Variants in MOXD1 observed in about 807,000 individuals in gnomAD.
The protein encoded by MOXD1 is DBH-like monooxygenase protein 1.
MOXD1 carries 62 observed loss-of-function variants against 66.6 expected under a neutral mutation model. The ratio of observed to expected loss-of-function variants is 0.93; its 90% CI spans 0.76 to 1.15. The LOEUF is 1.15. Ranked by LOEUF, MOXD1 falls within the 50% of genes most tolerant of loss-of-function variation. The pLI is 0.00. For missense variants in MOXD1, 847 were observed against 754.6 expected (o/e 1.12, Z -1.44); for synonymous variants, 303 against 281.9 (o/e 1.07, Z -0.75).
At chr6:132,300,730 A>G (rs1217243856) in intron 10 of MOXD1, among the ~76,000 whole-genome samples, 1 of 152,210 alleles carries the variant, frequency 6.6e-6, no homozygotes, top group Non-Finnish European at 1.5e-5. Flanking sequence ...TTTAGAACAG[A>G]TATGTAGAAA....
At chr6:132,327,297 A>G (rs747926766) in intron 6 of MOXD1, among the ~76,000 whole-genome samples, 1 of 152,196 alleles carries the variant, frequency 6.6e-6, no homozygotes, top group Non-Finnish European at 1.5e-5. Context: ...TCTTTTTCAC[A>G]TTGGGCTATA....
At chr6:132,395,793 T>C (rs1352568572) in intron 1 of MOXD1, among the ~76,000 whole-genome samples, 1 of 152,186 alleles carries the variant, frequency 6.6e-6, no homozygotes, top group African/African-American at 2.4e-5. Flanking sequence ...TGTCATTATG[T>C]AATAATAAAG....
Position 132,401,176 on chromosome 6 carries a change from C to A in MOXD1, c.251G>T (p.Arg84Leu), listed in dbSNP as rs1300131954. Residue 84 changes from arginine (R) to leucine (L), a missense_variant, in exon 1 of 12, where the codon CGG (arginine) becomes CTG (leucine). Coordinates refer to ENST00000367963, the MANE Select transcript of MOXD1 (RefSeq NM_015529.4). ...DIVVGGVAHG[R>L]PYLQDYFTNA... The stretch of plus-strand genomic sequence containing the variant: ...AGACGCGCTTACCTGGAGGTAGGGC[C>A]GCCCGTGGGCCACCCCGCCCACGAC... 6.5e-7 allele frequency: 1 copy of A among 1,528,598 alleles called. No individual in the cohort carries two copies. Among genetic ancestry groups the A allele is most frequent in the Non-Finnish European group, 8.7e-7 (1 of 1,144,442 alleles). 94.7% of individuals were successfully genotyped at this position (1,528,598 alleles called of 1,614,324 possible). A position where few individuals can be genotyped will look rare whatever the true frequency, so the allele number is the denominator to read the frequency against.
rs1775101763 is a variant in MOXD1, at chr6:132,322,718, C to G, written c.1266G>C (p.Gln422His). 6 of 1,613,744 alleles carry G rather than the reference C, an allele frequency of 3.7e-6. No individual in the cohort carries two copies. Among genetic ancestry groups the G allele is most frequent in the Non-Finnish European group, 5.1e-6 (6 of 1,179,840 alleles). ...GTTCTTCCTTTAGATACTGAAACTC[C>G]TGGAAATTGAAGTCAAAATCATCAT... ...AYDDDFDFNF[Q>H]EFQYLKEEQT... The change falls in exon 8 of 12, where the codon CAG becomes CAC. Residue 422 changes from glutamine to histidine, a missense_variant. By Grantham distance (24) the Gln-to-His change is conservative. Transcript: ENST00000367963.
At chr6:132,377,549 T>A (rs1776418931) in intron 1 of MOXD1, among the ~76,000 whole-genome samples, 1 of 152,206 alleles carries the variant, frequency 6.6e-6, no homozygotes, top group Non-Finnish European at 1.5e-5. Context: ...CTATTCCACC[T>A]TTTTCTGGCT....
chr6:132,348,811 T>A (rs892479619), intron 4 of MOXD1, among the ~76,000 whole-genome samples: 10 of 152,064 alleles, frequency 6.6e-5, no homozygotes, highest in African/African-American at 2.4e-4. Context: ...GTTATGATAA[T>A]GGTTCCAAAA....
chr6:132,381,291 G>A (rs999503152), intron 1 of MOXD1, among the ~76,000 whole-genome samples: 37 of 152,172 alleles, frequency 2.4e-4, no homozygotes, highest in African/African-American at 7.7e-4. Context: ...TTAACTTAAT[G>A]AGACCAAAGT....
chr6:132,308,889 T>C (rs1774757801), intron 10 of MOXD1, among the ~76,000 whole-genome samples: 1 of 152,190 alleles, frequency 6.6e-6, no homozygotes, highest in Middle Eastern at 3.2e-3. Context: ...AAGAGCTATT[T>C]ATGTCAATGC....
chr6:132,341,783 G>A (rs965920251), intron 4 of MOXD1, among the ~76,000 whole-genome samples: 6 of 152,120 alleles, frequency 3.9e-5, no homozygotes, highest in Non-Finnish European at 5.9e-5. Context: ...ATTTTTGAAA[G>A]CTCAAGTTTT....
At chr6:132,297,687 A>G (rs543283859) in intron 11 of MOXD1, 100 bp downstream of exon 11, 1 of 1,373,196 alleles carries the variant, frequency 7.3e-7, no homozygotes, top group Admixed American at 2.4e-5. Context: ...AGGCAACTGG[A>G]CCCCTGGATT....
chr6:132,319,944 A>C (rs1419059225), intron 9 of MOXD1, among the ~76,000 whole-genome samples: 3 of 152,100 alleles, frequency 2.0e-5, no homozygotes, highest in Non-Finnish European at 4.4e-5. Flanking sequence ...AATTTAAATC[A>C]ATTTTATATT....
intron 1 of MOXD1, among the ~76,000 whole-genome samples, chr6:132,395,692 T>C (rs1046865189): frequency 2.6e-5 from 4 of 152,128 alleles, no homozygotes; most frequent in Non-Finnish European, 5.9e-5. Flanking sequence ...AGAACTTCCA[T>C]GCAAACAAAA....
intron 1 of MOXD1, among the ~76,000 whole-genome samples, chr6:132,393,825 T>G (rs1776818828): frequency 6.6e-6 from 1 of 152,138 alleles, no homozygotes; most frequent in Non-Finnish European, 1.5e-5. Context: ...CAGGAGCCAC[T>G]GGAAGTGACC....
chr6:132,392,341 G>A, intron 1 of MOXD1: 2 of 1,557,920 alleles, frequency 1.3e-6, no homozygotes, highest in Non-Finnish European at 1.7e-6. Context: ...CCATTCACCA[G>A]CGATTTATAC....
intron 4 of MOXD1, among the ~76,000 whole-genome samples, chr6:132,366,257 T>C (rs1193952663): frequency 1.3e-5 from 2 of 152,028 alleles, no homozygotes; most frequent in Non-Finnish European, 2.9e-5. Context: ...AGAAAATAAA[T>C]AGAGTTAAAT....
chr6:132,362,244 G>T (rs1017526058), intron 4 of MOXD1, among the ~76,000 whole-genome samples: 8 of 151,822 alleles, frequency 5.3e-5, no homozygotes, highest in African/African-American at 1.7e-4. Context: ...AATTTTATTC[G>T]TATATATTTA....
intron 1 of MOXD1, among the ~76,000 whole-genome samples, chr6:132,384,864 G>A (rs1776593586): frequency 6.6e-6 from 1 of 152,176 alleles, no homozygotes; most frequent in Admixed American, 6.5e-5. Flanking sequence ...AGCAGCAAGT[G>A]GCATAATGTG....
At chr6:132,309,609 G>A (rs2114543632) in intron 10 of MOXD1, among the ~76,000 whole-genome samples, 1 of 152,270 alleles carries the variant, frequency 6.6e-6, no homozygotes, top group South Asian at 2.1e-4. Flanking sequence ...CACACTACCT[G>A]ACTTCAAACT....
chr6:132,369,207 A>G (rs1776211777), intron 4 of MOXD1, among the ~76,000 whole-genome samples: 2 of 152,180 alleles, frequency 1.3e-5, no homozygotes, highest in South Asian at 4.1e-4. Context: ...GGTGTCACTC[A>G]TTTCAGGCAA....
Sources: allele counts gnomAD v4.1 joint callset (sites outside exome capture counted in the v4.1 genomes callset), GRCh38; gene constraint gnomAD v4.1.1; transcripts MANE v1.5; gene names NCBI Gene and HGNC (gene_info 2026-07-23, HGNC 2026-07-21).